Variants in CTPS2 observed in about 807,000 individuals in gnomAD.
The protein encoded by CTPS2 is CTP synthase 2.
In CTPS2, 19 loss-of-function variants were observed where a neutral mutation model predicts 46.8. The ratio of observed to expected loss-of-function variants is 0.41; its 90% CI spans 0.28 to 0.60. The LOEUF is 0.60. Ranked by LOEUF, CTPS2 falls within the 20% of genes least tolerant of loss-of-function variation. The pLI, the probability that CTPS2 is intolerant of heterozygous loss-of-function variation, is 0.35. For synonymous variants in CTPS2, 151 were observed against 165.2 expected (o/e 0.91, Z 0.66); for missense variants, 286 against 447.6 (o/e 0.64, Z 3.26).
intron 13 of CTPS2, among the ~76,000 whole-genome samples, chrX:16,660,228 T>A (rs978682755): frequency 8.3e-5 from 9 of 108,865 alleles, no homozygotes; most frequent in African/African-American, 2.7e-4. Flanking sequence ...TCTTTCTTTC[T>A]TTTTTTAGAC....
At chrX:16,602,065 G>A (rs962378452) in intron 17 of CTPS2, among the ~76,000 whole-genome samples, 2 of 111,764 alleles carry the variant, frequency 1.8e-5, no homozygotes, top group African/African-American at 6.5e-5. Context: ...TGAGGGAGGA[G>A]GAATCTGAGC....
chrX:16,625,739 G>A (rs1400370775), intron 14 of CTPS2, among the ~76,000 whole-genome samples: 3 of 110,325 alleles, frequency 2.7e-5, no homozygotes, highest in Admixed American at 1.9e-4. Flanking sequence ...AGGAGATGGA[G>A]TGGGAAGATG....
chrX:16,669,478 G>C (rs980840072), intron 11 of CTPS2, among the ~76,000 whole-genome samples: 6 of 109,820 alleles, frequency 5.5e-5, no homozygotes, highest in South Asian at 3.9e-4. Context: ...GGGACATAAA[G>C]AGATGCTATG....
At chrX:16,620,176 AC>A in intron 15 of CTPS2, 100 bp downstream of exon 15, 2 of 692,771 alleles carry the variant, frequency 2.9e-6, no homozygotes, top group Non-Finnish European at 2.2e-6. Flanking sequence ...CCCTGTGAAT[AC>A]CACCAGGCTA....
intron 9 of CTPS2, among the ~76,000 whole-genome samples, chrX:16,682,524 G>C (rs910455886): frequency 8.9e-6 from 1 of 112,024 alleles, no homozygotes; most frequent in Non-Finnish European, 1.9e-5. Flanking sequence ...AGCAAGCCTG[G>C]CTGCTGCCCT....
At chrX:16,668,456 G>A (rs1251211848) in intron 11 of CTPS2, among the ~76,000 whole-genome samples, 5 of 106,840 alleles carry the variant, frequency 4.7e-5, no homozygotes, top group Non-Finnish European at 9.6e-5. Flanking sequence ...ATGGTGGTGG[G>A]TGCCTGTAGT....
chrX:16,665,714 C>T (rs1057238851), intron 13 of CTPS2, among the ~76,000 whole-genome samples: 14 of 111,416 alleles, frequency 1.3e-4, no homozygotes, highest in African/African-American at 4.6e-4. Context: ...TGGCACAGAT[C>T]CGTGAATATG....
In CTPS2 at chrX:16,650,970, G is replaced by C. The variant is rs900995588; in HGVS notation, c.1297-11727C>G. On this transcript the variant is annotated intron_variant, in intron 13 of 18. Coordinates refer to ENST00000359276, the MANE Select transcript of CTPS2 (RefSeq NM_175859.3). The stretch of plus-strand genomic sequence containing the variant: ...CACAAAACTGTACTTCAGCTTTTTG[G>C]TAAGTTTATTTTCTTCCCAATTTAT... 5 of 1,177,995 alleles carry C rather than the reference G, an allele frequency of 4.2e-6. No homozygotes were observed. The African/African-American group carries it at 7.1e-5, about 17-fold the overall frequency.
chrX:16,624,848 G>A (rs1039004641), intron 14 of CTPS2, among the ~76,000 whole-genome samples: 1 of 111,808 alleles, frequency 8.9e-6, no homozygotes, highest in Non-Finnish European at 1.9e-5. Context: ...AAAGTCTTAG[G>A]ACCTATAAAG....
chrX:16,625,617 G>C (rs751277675), intron 14 of CTPS2, among the ~76,000 whole-genome samples: 1 of 111,854 alleles, frequency 8.9e-6, no homozygotes, highest in African/African-American at 3.2e-5. Flanking sequence ...TGGTGCCTGG[G>C]TTCTTGTCCG....
In CTPS2 at chrX:16,590,807, A is replaced by G. The variant is rs1380385595; in HGVS notation, c.1747T>C (p.Leu583=). ...DSFSEPRIAE[L]EIS ...ATGTATTCATTTCAGCTTATTTCCAACTCAGCTATCCTTGGCTCTGAAAAG... is the reference window on the plus strand; with the variant it reads ...ATGTATTCATTTCAGCTTATTTCCAGCTCAGCTATCCTTGGCTCTGAAAAG... Residue 583 remains leucine, a synonymous_variant, in exon 18 of 19, where the codon TTG becomes CTG. Transcript: ENST00000359276. The G allele has an allele frequency of 8.3e-7, 1 of 1,199,231 alleles. No individual in the cohort carries two copies. The highest frequency in any genetic ancestry group is 2.2e-5 in the Admixed American group (1 of 45,792).
Position 16,590,732 on chromosome X carries a change from C to A in CTPS2, c.*41+20G>T. ...CTTGTCCATGAGAGAAATGAACAATCCTCGAAGATTCCATCTTACCCTCAC... is the reference window on the plus strand; with the variant it reads ...CTTGTCCATGAGAGAAATGAACAATACTCGAAGATTCCATCTTACCCTCAC... On this transcript the variant is annotated intron_variant, in intron 18 of 18. Transcript: ENST00000359276. The A allele has an allele frequency of 1.2e-6, 1 of 867,098 alleles. No homozygotes were observed. The allele number at this position is 867,098 out of a possible 1,213,427, so 71.5% of individuals were successfully genotyped here. A position where few individuals can be genotyped will look rare whatever the true frequency, so the allele number is the denominator to read the frequency against.
chrX:16,665,948 C>G (rs1482350316), intron 13 of CTPS2, among the ~76,000 whole-genome samples: 5 of 111,639 alleles, frequency 4.5e-5, no homozygotes, highest in Non-Finnish European at 9.4e-5. Context: ...GATGGGGTTT[C>G]AACTTGTTGG....
rs773153342 is a variant in CTPS2 at position 16,593,757 on chromosome X, T to C, written c.1692-2895A>G. On this transcript the variant is annotated intron_variant, in intron 17 of 18. Coordinates refer to ENST00000359276, the MANE Select transcript of CTPS2 (RefSeq NM_175859.3). The stretch of plus-strand genomic sequence containing the variant: ...TTCAGAACTGGCAGAAAAGACAACA[T>C]ATGTTAGATAAACATATAAAACAAC... 7.2e-5 allele frequency among the ~76,000 whole-genome samples: 8 copies of C among 110,446 alleles called. No individual in the cohort carries two copies. In the South Asian group the frequency reaches 2.7e-3, roughly 37 times the overall value.
At chrX:16,708,451 G>T (rs1925183961) in intron 1 of CTPS2, among the ~76,000 whole-genome samples, 2 of 111,389 alleles carry the variant, frequency 1.8e-5, no homozygotes, top group Non-Finnish European at 3.8e-5. Flanking sequence ...TTAAAACATT[G>T]TCAATCCAAA....
chrX:16,665,243 G>T (rs1229709020), intron 13 of CTPS2, among the ~76,000 whole-genome samples: 2 of 112,143 alleles, frequency 1.8e-5, no homozygotes, highest in African/African-American at 6.5e-5. Flanking sequence ...CTCCTCAAAG[G>T]GTTAAACACA....
At chrX:16,660,270 G>C (rs72616017) in intron 13 of CTPS2, among the ~76,000 whole-genome samples, 14,603 of 108,867 alleles carry the variant, frequency 0.13, 756 homozygotes, top group East Asian at 0.17. Context: ...GGCTGGAGTG[G>C]AGTGGCATGA....
At chrX:16,677,351 C>CA (rs1922365969) in intron 10 of CTPS2, among the ~76,000 whole-genome samples, 1 of 111,565 alleles carries the variant, frequency 9.0e-6, no homozygotes, top group Non-Finnish European at 1.9e-5. Context: ...TGTTGGAACT[C>CA]AGAGTTATGA....
At chrX:16,626,410 T>C (rs1313292975) in intron 14 of CTPS2, among the ~76,000 whole-genome samples, 4 of 109,995 alleles carry the variant, frequency 3.6e-5, no homozygotes. Context: ...AATAGAATGG[T>C]GGTTGCCAGG....
Sources: allele counts gnomAD v4.1 joint callset (sites outside exome capture counted in the v4.1 genomes callset), GRCh38; gene constraint gnomAD v4.1.1; transcripts MANE v1.5; gene names NCBI Gene and HGNC (gene_info 2026-07-23, HGNC 2026-07-21).